THSD7B: variants seen among roughly 807,000 people sequenced by gnomAD.
THSD7B encodes thrombospondin type 1 domain containing 7B, also known as thrombospondin type-1 domain-containing protein 7B.
In THSD7B, 138 loss-of-function variants were observed where a neutral mutation model predicts 213.6. The observed-to-expected ratio is 0.65, with a 90% CI of 0.56 to 0.74. The LOEUF (loss-of-function observed/expected upper bound fraction) is 0.74. Among genes scored for constraint, THSD7B ranks in the 30% least tolerant of loss-of-function variants. THSD7B has a pLI of 0.00. For missense variants in THSD7B, 1,931 were observed against 1,991.5 expected (o/e 0.97, Z 0.58); for synonymous variants, 742 against 687.0 (o/e 1.08, Z -1.25).
At chr2:137,225,852 T>A (rs1681486470) in intron 7 of THSD7B, among the ~76,000 whole-genome samples, 1 of 151,804 alleles carries the variant, frequency 6.6e-6, no homozygotes, top group Admixed American at 6.6e-5. Flanking sequence ...AGACATTAAT[T>A]GTGTTGTTAG....
At chr2:137,645,239 G>C (rs1227947262) in intron 21 of THSD7B, among the ~76,000 whole-genome samples, 1 of 152,156 alleles carries the variant, frequency 6.6e-6, no homozygotes, top group Non-Finnish European at 1.5e-5. Flanking sequence ...AATAGTTATA[G>C]TTAGTATTAT....
chr2:137,440,456 C>G (rs961863454), intron 14 of THSD7B, among the ~76,000 whole-genome samples: 2 of 147,098 alleles, frequency 1.4e-5, no homozygotes, highest in African/African-American at 5.3e-5. Context: ...CATAGCCTCA[C>G]CTTACCTTTT....
At chr2:137,217,701 C>T (rs1042794878) in intron 7 of THSD7B, among the ~76,000 whole-genome samples, 1 of 152,172 alleles carries the variant, frequency 6.6e-6, no homozygotes. Flanking sequence ...AAAAACATCT[C>T]AGATGCTAAA....
chr2:137,655,849 A>T (rs1377007545), intron 22 of THSD7B, among the ~76,000 whole-genome samples, 189 bp downstream of exon 22: 1 of 152,212 alleles, frequency 6.6e-6, no homozygotes, highest in Non-Finnish European at 1.5e-5. Context: ...CAAAAGAAAA[A>T]AAAAGGCACT....
chr2:137,247,282 A>G (rs2105069776), intron 10 of THSD7B, among the ~76,000 whole-genome samples: 1 of 152,334 alleles, frequency 6.6e-6, no homozygotes, highest in Admixed American at 6.5e-5. Flanking sequence ...GCATAAATGA[A>G]TGCAATGTGA....
At chr2:137,126,031 T>C (rs1207286652) in intron 5 of THSD7B, among the ~76,000 whole-genome samples, 2 of 152,142 alleles carry the variant, frequency 1.3e-5, no homozygotes, top group Non-Finnish European at 2.9e-5. Context: ...AATAGATATG[T>C]TGGGGTTTGT....
At chr2:137,243,019 T>C (rs765483625) in intron 10 of THSD7B, among the ~76,000 whole-genome samples, 3 of 152,238 alleles carry the variant, frequency 2.0e-5, no homozygotes, top group Admixed American at 6.5e-5. Context: ...GCAGATACAT[T>C]ACAAAGTGTT....
At chr2:137,627,726 G>A (rs1350063358) in intron 20 of THSD7B, among the ~76,000 whole-genome samples, 2 of 152,174 alleles carry the variant, frequency 1.3e-5, no homozygotes, top group African/African-American at 4.8e-5. Context: ...AAGAAAAATT[G>A]ACAACTACTT....
At chr2:137,338,954 A>G (rs1194845635) in intron 12 of THSD7B, among the ~76,000 whole-genome samples, 1 of 152,064 alleles carries the variant, frequency 6.6e-6, no homozygotes, top group Non-Finnish European at 1.5e-5. Context: ...TGATTCCATA[A>G]TGAATTGGCT....
Position 137,411,878 on chromosome 2 carries a change from G to GAGAT in THSD7B, c.2959+7_2959+10dup. The GAGAT allele has an allele frequency of 6.2e-7, 1 of 1,613,690 alleles. No homozygotes were observed. Among genetic ancestry groups the GAGAT allele is most frequent in the Non-Finnish European group, 8.5e-7 (1 of 1,179,688 alleles). The stretch of plus-strand genomic sequence containing the variant: ...CTCCTTCTGCAGCAGCTCTGGTAAG[G>GAGAT]AGATGGATGGAGAGTAACAGATGAG... On this transcript the variant is annotated splice_region_variant and intron_variant, in intron 14 of 27. Coordinates refer to ENST00000409968, the MANE Select transcript of THSD7B (RefSeq NM_001316349.2).
chr2:137,114,690 CTT>C (rs951661058), intron 4 of THSD7B, among the ~76,000 whole-genome samples: 2 of 152,178 alleles, frequency 1.3e-5, no homozygotes, highest in African/African-American at 2.4e-5. Flanking sequence ...ATATTTACGA[CTT>C]TACACATTCA....
chr2:137,483,702 A>G (rs1458600393), intron 15 of THSD7B, among the ~76,000 whole-genome samples: 1 of 152,210 alleles, frequency 6.6e-6, no homozygotes, highest in East Asian at 1.9e-4. Flanking sequence ...AGCCTGTAGG[A>G]TGATTCTAAC....
At chr2:137,447,184 G>T (rs996812579) in intron 14 of THSD7B, among the ~76,000 whole-genome samples, 3 of 151,882 alleles carry the variant, frequency 2.0e-5, no homozygotes, top group Non-Finnish European at 4.4e-5. Context: ...GATCCTCTGG[G>T]TTTACTTCTT....
At chr2:137,373,018 G>A (rs546158954) in intron 12 of THSD7B, among the ~76,000 whole-genome samples, 5 of 151,920 alleles carry the variant, frequency 3.3e-5, no homozygotes, top group Non-Finnish European at 7.4e-5. Context: ...CCCTACAAAG[G>A]ACATGAACTC....
chr2:137,493,122 C>CA (rs376770053), intron 15 of THSD7B, among the ~76,000 whole-genome samples: 21,644 of 44,028 alleles, frequency 0.49, 7,637 homozygotes, highest in East Asian at 0.55. Flanking sequence ...CTCTCTCTCT[C>CA]AAAAAAAAAA....
chr2:137,239,234 C>G (rs1681845653), intron 9 of THSD7B, among the ~76,000 whole-genome samples: 1 of 152,126 alleles, frequency 6.6e-6, no homozygotes, highest in Admixed American at 6.5e-5. Context: ...GCTGTAACAT[C>G]TTACATAACC....
At chr2:137,373,624 A>C (rs1201113040) in intron 12 of THSD7B, among the ~76,000 whole-genome samples, 1 of 152,180 alleles carries the variant, frequency 6.6e-6, no homozygotes, top group Admixed American at 6.5e-5. Context: ...GTAGGTTGCA[A>C]AAATTTTCTC....
chr2:136,872,922 T>G lies in THSD7B; in HGVS notation c.-35-9222T>G, dbSNP rs1262221010. Reference sequence around the variant, plus strand: ...AATTTTAAAGCTATTTACCATAGGGTTGCATAACTGCTAAATTGCTTCAAC... The same window carrying G: ...AATTTTAAAGCTATTTACCATAGGGGTGCATAACTGCTAAATTGCTTCAAC... On this transcript the variant is annotated intron_variant, in intron 1 of 27. Transcript: ENST00000409968. Among the ~76,000 whole-genome samples, 3 of 146,942 alleles carry G rather than the reference T, an allele frequency of 2.0e-5. No homozygotes were observed. In the Admixed American group the frequency reaches 2.1e-4, roughly 10 times the overall value.
At chr2:137,304,154 C>T (rs1395978397) in intron 12 of THSD7B, among the ~76,000 whole-genome samples, 2 of 152,032 alleles carry the variant, frequency 1.3e-5, no homozygotes, top group Non-Finnish European at 2.9e-5. Flanking sequence ...TTTATGGCTG[C>T]ATAGTATTCC....
Sources: gnomAD v4.1 joint callset for allele counts (sites outside exome capture counted in the v4.1 genomes callset) on GRCh38, gnomAD v4.1.1 for gene constraint, MANE v1.5 for transcripts, NCBI Gene and HGNC (gene_info 2026-07-23, HGNC 2026-07-21) for gene names.